B3GALNT1: variants seen among roughly 807,000 people sequenced by gnomAD.
The protein encoded by B3GALNT1 is UDP-GalNAc:beta-1,3-N-acetylgalactosaminyltransferase 1.
B3GALNT1 carries 17 observed loss-of-function variants against 27.3 expected under a neutral mutation model. That is an observed-to-expected ratio of 0.62 (90% CI 0.43 to 0.94). B3GALNT1 has a LOEUF of 0.94. Among genes scored for constraint, B3GALNT1 ranks in the 40% least tolerant of loss-of-function variants. B3GALNT1 has a pLI of 0.00. For missense variants in B3GALNT1, 347 were observed against 390.0 expected (o/e 0.89, Z 0.93); for synonymous variants, 141 against 144.0 (o/e 0.98, Z 0.15).
intron 4 of B3GALNT1, among the ~76,000 whole-genome samples, chr3:161,099,744 T>C (rs934191409): frequency 6.6e-6 from 1 of 152,032 alleles, no homozygotes; most frequent in Non-Finnish European, 1.5e-5. Context: ...CCCAAGTACT[T>C]GTGAATGAAT....
At position 161,101,200 on chromosome 3, in the gene B3GALNT1, CA is replaced by C. The variant is rs1731056187; in HGVS notation, c.-97del. 7.8e-7 allele frequency: 1 copy of C among 1,289,714 alleles called. No individual in the cohort carries two copies. Among genetic ancestry groups the C allele is most frequent in the African/African-American group, 1.5e-5 (1 of 65,836 alleles). The allele number at this position is 1,289,714 out of a possible 1,614,324, so 79.9% of individuals were successfully genotyped here. ...TGATAGAGCAGCCAGCGGGAAGAGC[CA>C]ACAGGTCAACCGGGTCCAGGGAGCT... On this transcript the variant is annotated 5_prime_UTR_variant, in exon 4 of 5. Transcript: ENST00000320474.
At position 161,085,395 on chromosome 3, in the gene B3GALNT1, C is replaced by T. The variant is rs1721155452; in HGVS notation, c.*364G>A. ...TATACACAAAACCTTCAAGTGACTA[C>T]ATTGTTCAATAAATAAAACTCTACA... On this transcript the variant is annotated 3_prime_UTR_variant, in exon 5 of 5. Coordinates refer to ENST00000320474, the MANE Select transcript of B3GALNT1 (RefSeq NM_003781.4). The T allele has an allele frequency of 4.2e-6, 1 of 236,642 alleles. No homozygotes were observed. The highest frequency in any genetic ancestry group is 5.1e-5 in the Admixed American group (1 of 19,478). 14.7% of individuals were successfully genotyped at this position (236,642 alleles called of 1,614,324 possible).
At position 161,086,337 on chromosome 3, in the gene B3GALNT1, AAAG is replaced by A. The variant is rs1262764642; in HGVS notation, c.415_417del (p.Leu139del). The A allele has an allele frequency of 2.5e-6, 4 of 1,614,164 alleles. No individual in the cohort carries two copies. The Admixed American group carries it at 6.7e-5, about 27-fold the overall frequency. On this transcript the variant is annotated inframe_deletion, in exon 5 of 5. Coordinates refer to ENST00000320474, the MANE Select transcript of B3GALNT1 (RefSeq NM_003781.4). Reference sequence around the variant, plus strand: ...AAATCTTGTCGGATTATGTCACCATAAAGAAGGTGTTCATCCTCTAAGGACAAT... The same window carrying A: ...AAATCTTGTCGGATTATGTCACCATAAAGGTGTTCATCCTCTAAGGACAAT...
At chr3:161,102,813 A>G (rs1462141162) in intron 3 of B3GALNT1, among the ~76,000 whole-genome samples, 1 of 152,222 alleles carries the variant, frequency 6.6e-6, no homozygotes. Context: ...TAGTTGTGAA[A>G]GGGACAAAGA....
chr3:161,088,529 T>TC (rs1419412856), intron 4 of B3GALNT1, among the ~76,000 whole-genome samples: 4 of 152,114 alleles, frequency 2.6e-5, no homozygotes, highest in African/African-American at 9.7e-5. Flanking sequence ...TCCTCCCCTA[T>TC]CCCCTTTACT....
intron 3 of B3GALNT1, 38 bp from the exon 4 acceptor site, chr3:161,101,271 G>A: frequency 8.3e-7 from 1 of 1,205,424 alleles, no homozygotes. Flanking sequence ...AGGCAGAACA[G>A]CAGCAAGACT....
intron 3 of B3GALNT1, among the ~76,000 whole-genome samples, chr3:161,102,613 C>A (rs7650089): frequency 0.027 from 4,110 of 152,266 alleles, 203 homozygotes; most frequent in African/African-American, 0.094. Flanking sequence ...GAGATGTTTG[C>A]CAAACAGCCT....
chr3:161,104,241 C>T (rs767276302), intron 2 of B3GALNT1, 78 bp downstream of exon 2: 59 of 1,153,076 alleles, frequency 5.1e-5, no homozygotes, highest in Non-Finnish European at 6.4e-5. Flanking sequence ...ATTCAGCGCC[C>T]TTCTTTTGCT....
intron 4 of B3GALNT1, among the ~76,000 whole-genome samples, chr3:161,097,219 C>A (rs756649284): frequency 5.9e-5 from 9 of 152,152 alleles, no homozygotes; most frequent in Non-Finnish European, 1.0e-4. Context: ...AGCAATAATA[C>A]CTTCTTTGCG....
At chr3:161,100,318 T>G (rs1730541974) in intron 4 of B3GALNT1, among the ~76,000 whole-genome samples, 2 of 152,230 alleles carry the variant, frequency 1.3e-5, no homozygotes, top group African/African-American at 4.8e-5. Flanking sequence ...AGCACCACTC[T>G]CTGTAGTTGT....
At chr3:161,095,632 T>C (rs145546523) in intron 4 of B3GALNT1, among the ~76,000 whole-genome samples, 3 of 152,274 alleles carry the variant, frequency 2.0e-5, no homozygotes, top group East Asian at 1.9e-4. Context: ...GTGGATTGCC[T>C]TGAAGGCGGG....
rs1254084764 is a variant in B3GALNT1, at chr3:161,092,801, C to G, written c.-34-6013G>C. Among the ~76,000 whole-genome samples, 25 of 133,156 alleles carry G rather than the reference C, an allele frequency of 1.9e-4. 1 individual carries two copies. 87.4% of individuals were successfully genotyped at this position (133,156 alleles called of 152,430 possible). On this transcript the variant is annotated intron_variant, in intron 4 of 4. Coordinates refer to ENST00000320474, the MANE Select transcript of B3GALNT1 (RefSeq NM_003781.4). ...TTTTTTTTTGAGATGGAGTCTCGCTCTGTCGCCCAGGCTGGAGTGCAGTGG... is the reference window on the plus strand; with the variant it reads ...TTTTTTTTTGAGATGGAGTCTCGCTGTGTCGCCCAGGCTGGAGTGCAGTGG...
At position 161,086,589 on chromosome 3, in the gene B3GALNT1, C is replaced by T; in HGVS notation, c.166G>A (p.Glu56Lys). ...TGAAAGTCTTGTCTGTAAATCGGCTCATACTCATAGAAGTACATCCAGTTC... is the reference window on the plus strand; with the variant it reads ...TGAAAGTCTTGTCTGTAAATCGGCTTATACTCATAGAAGTACATCCAGTTC... The part of the protein sequence containing the change: ...RVNWMYFYEY[E>K]PIYRQDFHFT... Residue 56 changes from glutamate (E) to lysine (K), a missense_variant, in exon 5 of 5, where the codon GAG becomes AAG. Glu to Lys is a moderately conservative substitution (Grantham distance 56). Transcript: ENST00000320474. 6.2e-7 allele frequency: 1 copy of T among 1,614,176 alleles called. No homozygotes were observed. The highest frequency in any genetic ancestry group is 8.5e-7 in the Non-Finnish European group (1 of 1,180,044).
Position 161,094,015 on chromosome 3 carries a change from A to G in B3GALNT1, c.-35+7124T>C, listed in dbSNP as rs183320987. ...TTAGGGGTTGATCTGCAGCAGCTGA[A>G]AAAACATCTCAAATACTAGAAAAGC... On this transcript the variant is annotated intron_variant, in intron 4 of 4. Transcript: ENST00000320474. Among the ~76,000 whole-genome samples the G allele has an allele frequency of 7.9e-5, 12 of 152,314 alleles. No homozygotes were observed. In the East Asian group the frequency reaches 2.3e-3, roughly 29 times the overall value.
intron 4 of B3GALNT1, among the ~76,000 whole-genome samples, chr3:161,091,816 G>C (rs889483197): frequency 3.9e-5 from 6 of 152,196 alleles, no homozygotes; most frequent in African/African-American, 1.4e-4. Flanking sequence ...TGGATAAGCA[G>C]AGACTACTAT....
intron 1 of B3GALNT1, chr3:161,104,952 G>C (rs958777671): frequency 6.6e-6 from 1 of 152,390 alleles, no homozygotes. Context: ...GCCTGGGCCT[G>C]GGCCCTCCGC....
At chr3:161,094,121 AT>A (rs1191166931) in intron 4 of B3GALNT1, among the ~76,000 whole-genome samples, 1 of 152,180 alleles carries the variant, frequency 6.6e-6, no homozygotes. Context: ...AAGACTCCAG[AT>A]CTCACATTCT....
chr3:161,090,980 C>G (rs774492487), intron 4 of B3GALNT1, among the ~76,000 whole-genome samples: 1 of 152,102 alleles, frequency 6.6e-6, no homozygotes, highest in African/African-American at 2.4e-5. Context: ...AAAAATGCCA[C>G]TTATAGGCTG....
At chr3:161,090,644 C>T (rs1464995690) in intron 4 of B3GALNT1, among the ~76,000 whole-genome samples, 1 of 151,606 alleles carries the variant, frequency 6.6e-6, no homozygotes, top group Non-Finnish European at 1.5e-5. Context: ...GGGTGGATCA[C>T]GAGGTCAGGA....
Sources: allele counts gnomAD v4.1 joint callset (sites outside exome capture counted in the v4.1 genomes callset), GRCh38; gene constraint gnomAD v4.1.1; transcripts MANE v1.5; gene names NCBI Gene and HGNC (gene_info 2026-07-23, HGNC 2026-07-21).